Variants in TNFRSF1B observed in about 807,000 individuals in gnomAD.
TNFRSF1B encodes the protein tumor necrosis factor receptor superfamily member 1B.
In TNFRSF1B, 19 loss-of-function variants were observed where a neutral mutation model predicts 44.6. The observed-to-expected ratio is 0.43, with a 90% CI of 0.30 to 0.62. The LOEUF is 0.62. Among genes scored for constraint, TNFRSF1B ranks in the 20% least tolerant of loss-of-function variants. The pLI is 0.16. For missense variants in TNFRSF1B, 541 were observed against 619.9 expected, an observed-to-expected ratio of 0.87 and a Z score of 1.35; for synonymous variants, 252 against 261.1, an observed-to-expected ratio of 0.97 and a Z score of 0.34.
chr1:12,183,283 A>G (rs1570140056), intron 1 of TNFRSF1B, among the ~76,000 whole-genome samples: 1 of 152,170 alleles, frequency 6.6e-6, no homozygotes, highest in Non-Finnish European at 1.5e-5. Context: ...GCTTGCCGCC[A>G]TCCTGGCCCT....
rs187973084 is a variant in TNFRSF1B at position 12,188,306 on chromosome 1, C to T, written c.79-490C>T. ...GTCATAACCCACGTTTAGAGAGAGC[C>T]GAGAGGAGGAGGAGGAGGAGCTTGA... is the stretch of plus-strand genomic sequence containing the variant. On this transcript the variant is annotated intron_variant, in intron 1 of 9. Coordinates refer to ENST00000376259, the MANE Select transcript of TNFRSF1B (RefSeq NM_001066.3). 2.6e-5 allele frequency among the ~76,000 whole-genome samples: 4 copies of T among 151,954 alleles called. 1 individual carries two copies. Among genetic ancestry groups the T allele is most frequent in the South Asian group, 4.2e-4 (2 of 4,816 alleles).
Position 12,194,637 on chromosome 1 carries a change from C to G in TNFRSF1B, c.900+19C>G, listed in dbSNP as rs755745035. 6.2e-7 allele frequency: 1 copy of G among 1,613,948 alleles called. No homozygotes were observed. Among genetic ancestry groups the G allele is most frequent in the East Asian group, 2.2e-5 (1 of 44,876 alleles). Reference sequence around the variant, plus strand: ...CAAGGTGGTGAGTGTCTCCACTGCCCTCTCCCCCTCTTCCCCTGGTCTCCT... The same window carrying G: ...CAAGGTGGTGAGTGTCTCCACTGCCGTCTCCCCCTCTTCCCCTGGTCTCCT... On this transcript the variant is annotated intron_variant, in intron 8 of 9. Transcript: ENST00000376259.
chr1:12,190,458 CAAA>C (rs4044499), intron 2 of TNFRSF1B, among the ~76,000 whole-genome samples: 14 of 61,532 alleles, frequency 2.3e-4, no homozygotes, highest in African/African-American at 9.1e-4. Context: ...GATTCTGTCT[CAAA>C]AAAAAAAAAA....
rs1022115818 is a variant in TNFRSF1B at position 12,180,520 on chromosome 1, A to G, written c.79-8276A>G. ...AAGTCAGTTGACCCGGGGTTGCTCA[A>G]TTCCCCAAGAGCTGACGCAAACTCC... is the stretch of plus-strand genomic sequence containing the variant. On this transcript the variant is annotated intron_variant, in intron 1 of 9. Transcript: ENST00000376259. The surrounding 1 kb of genome is among the most constrained non-coding windows in gnomAD (Gnocchi z 4.3). Among the ~76,000 whole-genome samples, 3 of 152,120 alleles carry G rather than the reference A, an allele frequency of 2.0e-5. No homozygotes were observed. Among genetic ancestry groups the G allele is most frequent in the African/African-American group, 7.2e-5 (3 of 41,410 alleles).
At chr1:12,189,985 G>A (rs1192175006) in intron 2 of TNFRSF1B, among the ~76,000 whole-genome samples, 1 of 152,192 alleles carries the variant, frequency 6.6e-6, no homozygotes, top group Non-Finnish European at 1.5e-5. Flanking sequence ...GGCCCAGGAT[G>A]AGCGAAGGCG....
At position 12,206,900 on chromosome 1, in the gene TNFRSF1B, C is replaced by T; in HGVS notation, c.1266C>T (p.Pro422=). The T allele has an allele frequency of 6.2e-7, 1 of 1,614,258 alleles. No homozygotes were observed. The highest frequency in any genetic ancestry group is 2.2e-5 in the East Asian group (1 of 44,890). ...AGTCCCCGAAGGACGAGCAGGTCCCCTTCTCCAAGGAGGAATGTGCCTTTC... is the reference window on the plus strand; with the variant it reads ...AGTCCCCGAAGGACGAGCAGGTCCCTTTCTCCAAGGAGGAATGTGCCTTTC... ...PSESPKDEQV[P]FSKEECAFRS... Residue 422 remains proline (P), a synonymous_variant, in exon 10 of 10, where the codon CCC becomes CCT. Transcript: ENST00000376259.
At chr1:12,203,693 C>G (rs906293480) in intron 9 of TNFRSF1B, among the ~76,000 whole-genome samples, 1 of 152,196 alleles carries the variant, frequency 6.6e-6, no homozygotes, top group African/African-American at 2.4e-5. Context: ...ATTATAAACT[C>G]TTAGTCTTTG....
chr1:12,170,598 G>A (rs909044220), intron 1 of TNFRSF1B, among the ~76,000 whole-genome samples: 4 of 152,186 alleles, frequency 2.6e-5, no homozygotes, highest in Non-Finnish European at 4.4e-5. Flanking sequence ...ACGGTTGTGC[G>A]TGGGAAGGGG....
At position 12,188,810 on chromosome 1, in the gene TNFRSF1B, C is replaced by T; in HGVS notation, c.93C>T (p.Pro31=). 1.2e-6 allele frequency: 2 copies of T among 1,613,770 alleles called. No homozygotes were observed. The highest frequency in any genetic ancestry group is 2.2e-5 in the South Asian group (2 of 91,008). ...HALPAQVAFT[P]YAPEPGSTCR... is the part of the protein sequence containing the mutation. ...CTTCCTTCCAGGTGGCATTTACACCCTACGCCCCGGAGCCCGGGAGCACAT... is the reference window on the plus strand; with the variant it reads ...CTTCCTTCCAGGTGGCATTTACACCTTACGCCCCGGAGCCCGGGAGCACAT... The change falls in exon 2 of 10, where the codon CCC becomes CCT. Residue 31 remains proline (P), a synonymous_variant. Transcript: ENST00000376259.
intron 1 of TNFRSF1B, among the ~76,000 whole-genome samples, chr1:12,183,666 A>ATCTATCTATCTATCTATCTAT (rs1557628672): frequency 7.4e-4 from 83 of 112,484 alleles, no homozygotes; most frequent in Middle Eastern, 4.7e-3. Flanking sequence ...TTATCTATCT[A>ATCTATCTATCTATCTATCTAT]TCTATCTATC....
At chr1:12,198,018 C>T (rs953947398) in intron 8 of TNFRSF1B, among the ~76,000 whole-genome samples, 8 of 151,368 alleles carry the variant, frequency 5.3e-5, no homozygotes, top group African/African-American at 9.7e-5. Flanking sequence ...CCAGCTACTC[C>T]GGAGGCTGAG....
chr1:12,198,691 G>GTTTTTTTTTGTT (rs1639322839), intron 8 of TNFRSF1B, among the ~76,000 whole-genome samples: 1 of 85,652 alleles, frequency 1.2e-5, no homozygotes, highest in Non-Finnish European at 2.2e-5. Context: ...CTGGAATTCT[G>GTTTTTTTTTGTT]TTTTTTTTTT....
At chr1:12,195,445 G>C (rs1445981283) in intron 8 of TNFRSF1B, among the ~76,000 whole-genome samples, 1 of 152,180 alleles carries the variant, frequency 6.6e-6, no homozygotes, top group Non-Finnish European at 1.5e-5. Flanking sequence ...GTTGACTTTT[G>C]TTCTCTTGTT....
At chr1:12,189,353 T>C (rs1457300151) in intron 2 of TNFRSF1B, among the ~76,000 whole-genome samples, 1 of 152,232 alleles carries the variant, frequency 6.6e-6, no homozygotes, top group African/African-American at 2.4e-5. Flanking sequence ...CTGCTTCCTG[T>C]TGCCTCCACT....
At chr1:12,188,135 T>C (rs887405858) in intron 1 of TNFRSF1B, among the ~76,000 whole-genome samples, 5 of 152,182 alleles carry the variant, frequency 3.3e-5, no homozygotes, top group African/African-American at 4.8e-5. Context: ...ATGTGAGAGA[T>C]TGAGGGTCTA....
intron 3 of TNFRSF1B, 94 bp downstream of exon 3, chr1:12,191,179 T>C: frequency 1.3e-6 from 2 of 1,508,648 alleles, no homozygotes; most frequent in Non-Finnish European, 1.8e-6. Context: ...TGTCTGGAGT[T>C]ACCCCAGGCT....
chr1:12,197,185 T>C (rs1246145557), intron 8 of TNFRSF1B, among the ~76,000 whole-genome samples: 6 of 152,168 alleles, frequency 3.9e-5, no homozygotes, highest in Non-Finnish European at 8.8e-5. Flanking sequence ...TGACCTCAAG[T>C]GATCTGCCCA....
chr1:12,198,035 T>G (rs1639304171), intron 8 of TNFRSF1B, among the ~76,000 whole-genome samples: 1 of 146,850 alleles, frequency 6.8e-6, no homozygotes, highest in Non-Finnish European at 1.5e-5. Flanking sequence ...TGAGGCAGAA[T>G]AGCGTGAACC....
At position 12,187,703 on chromosome 1, in the gene TNFRSF1B, C is replaced by T. The variant is rs1045043309; in HGVS notation, c.79-1093C>T. The stretch of plus-strand genomic sequence containing the variant: ...GGGAAGTCTTGCTGAGACCACACAC[C>T]TGTCTCAGGTAGGGTCTTCCAGAAG... On this transcript the variant is annotated intron_variant, in intron 1 of 9. Coordinates refer to ENST00000376259, the MANE Select transcript of TNFRSF1B (RefSeq NM_001066.3). The surrounding 1 kb of genome is among the most constrained non-coding windows in gnomAD (Gnocchi z 5.5). 7.2e-5 allele frequency among the ~76,000 whole-genome samples: 11 copies of T among 152,230 alleles called. No individual in the cohort carries two copies. The highest frequency in any genetic ancestry group is 1.5e-4 in the Non-Finnish European group (10 of 68,048).
Sources: gnomAD v4.1 joint callset for allele counts (sites outside exome capture counted in the v4.1 genomes callset) on GRCh38, gnomAD v4.1.1 for gene constraint, Gnocchi (gnomAD v3.1) non-coding constraint, MANE v1.5 for transcripts, NCBI Gene and HGNC (gene_info 2026-07-23, HGNC 2026-07-21) for gene names.